Variants in SLC15A2 observed in about 807,000 individuals in gnomAD.
SLC15A2 encodes solute carrier family 15 member 2.
A neutral mutation model predicts 95.5 loss-of-function variants in SLC15A2; 77 were observed. That is an observed-to-expected ratio of 0.81 (90% CI 0.67 to 0.97). The LOEUF is 0.97. Among genes scored for constraint, SLC15A2 ranks in the 50% least tolerant of loss-of-function variants. SLC15A2 has a pLI of 0.00. For missense variants in SLC15A2, 893 were observed against 874.4 expected, an observed-to-expected ratio of 1.02 and a Z score of -0.27; for synonymous variants, 306 against 306.9, an observed-to-expected ratio of 1.00 and a Z score of 0.03.
chr3:121,912,353 C>A, intron 4 of SLC15A2, among the ~76,000 whole-genome samples: 1 of 152,104 alleles, frequency 6.6e-6, no homozygotes, highest in East Asian at 1.9e-4. Flanking sequence ...CCCACCTCAG[C>A]CTCCCGAGTC....
rs761056087 is a variant in SLC15A2, at chr3:121,896,420, C to T, written c.120C>T (p.Ser40=). 1.2e-6 allele frequency: 2 copies of T among 1,613,682 alleles called. No individual in the cohort carries two copies. Among genetic ancestry groups the T allele is most frequent in the Non-Finnish European group, 1.7e-6 (2 of 1,179,612 alleles). The part of the protein sequence containing the change: ...PKKPSPTICG[S]NYPLSIAFIV... ...TTGTTGAATAGACAATCTGTGGCTC[C>T]AACTATCCACTGAGCATTGCCTTCA... The change falls in exon 2 of 22, where the codon TCC becomes TCT. Residue 40 remains serine (S), a synonymous_variant. Coordinates refer to ENST00000489711, the MANE Select transcript of SLC15A2 (RefSeq NM_021082.4).
intron 3 of SLC15A2, among the ~76,000 whole-genome samples, chr3:121,901,453 C>T (rs997655944): frequency 5.3e-5 from 8 of 152,132 alleles, no homozygotes; most frequent in African/African-American, 1.9e-4. Flanking sequence ...TGTAGACAGG[C>T]ATGAAGGTTA....
rs769323682 is a variant in SLC15A2, at chr3:121,929,007, A to C, written c.1367A>C (p.His456Pro). The change falls in exon 16 of 22, where the codon CAC becomes CCC. Residue 456 changes from histidine to proline, a missense_variant. By Grantham distance (77) the His-to-Pro change is moderately conservative. Coordinates refer to ENST00000489711, the MANE Select transcript of SLC15A2 (RefSeq NM_021082.4). ...AAAACACCACACTATTCCAAACTGC[A>C]CCTGAAAACAAAAAGCCAGGATTTT... ...FQKTPHYSKL[H>P]LKTKSQDFHF... is the part of the protein sequence containing the mutation. The C allele has an allele frequency of 1.2e-6, 2 of 1,613,962 alleles. No individual in the cohort carries two copies. The highest frequency in any genetic ancestry group is 1.7e-6 in the Non-Finnish European group (2 of 1,179,982).
intron 17 of SLC15A2, among the ~76,000 whole-genome samples, chr3:121,930,048 A>G (rs963495697): frequency 2.0e-5 from 3 of 152,374 alleles, no homozygotes; most frequent in Admixed American, 1.3e-4. Context: ...TGCTTCAAAA[A>G]AAGTAAACAG....
At chr3:121,901,845 TTGTG>T (rs3047583) in intron 3 of SLC15A2, among the ~76,000 whole-genome samples, 88 of 149,030 alleles carry the variant, frequency 5.9e-4, no homozygotes, top group Admixed American at 8.7e-4. Context: ...GAGTATGTGT[TTGTG>T]TGTGTGTGTG....
intron 13 of SLC15A2, among the ~76,000 whole-genome samples, chr3:121,925,951 C>T (rs1025419645): frequency 6.6e-6 from 1 of 151,150 alleles, no homozygotes; most frequent in African/African-American, 2.4e-5. Flanking sequence ...GTTCAATAAA[C>T]CTGATTGTAT....
In SLC15A2 at chr3:121,942,159, G is replaced by T. The variant is rs920994819; in HGVS notation, c.*1152G>T. 7.2e-5 allele frequency: 11 copies of T among 152,318 alleles called. No individual in the cohort carries two copies. Among genetic ancestry groups the T allele is most frequent in the African/African-American group, 2.6e-4 (11 of 41,582 alleles). The allele number at this position is 152,318 out of a possible 1,614,324, so 9.4% of individuals were successfully genotyped here. ...GTTCTAAAATGGAAATGTCAATAGA[G>T]GAGCATGGTCCTATGTGAGGTTCCT... is the stretch of plus-strand genomic sequence containing the variant. On this transcript the variant is annotated 3_prime_UTR_variant, in exon 22 of 22. Coordinates refer to ENST00000489711, the MANE Select transcript of SLC15A2 (RefSeq NM_021082.4).
intron 3 of SLC15A2, among the ~76,000 whole-genome samples, chr3:121,911,112 G>A (rs1267840646): frequency 6.6e-6 from 1 of 152,216 alleles, no homozygotes; most frequent in African/African-American, 2.4e-5. Flanking sequence ...TTTACTTGGA[G>A]TTCTTCCTTG....
chr3:121,922,387 T>C (rs1710024027), intron 8 of SLC15A2, 85 bp downstream of exon 8: 1 of 1,049,164 alleles, frequency 9.5e-7, no homozygotes, highest in African/African-American at 1.6e-5. Flanking sequence ...AACGTGGGCA[T>C]ACATTTTTCT....
At chr3:121,938,914 C>G (rs1710404754) in intron 19 of SLC15A2, among the ~76,000 whole-genome samples, 3 of 152,194 alleles carry the variant, frequency 2.0e-5, no homozygotes, top group Non-Finnish European at 4.4e-5. Context: ...TTCTACCAGG[C>G]TGATAACCAT....
chr3:121,900,733 C>T (rs894192790), intron 3 of SLC15A2, among the ~76,000 whole-genome samples: 3 of 152,118 alleles, frequency 2.0e-5, no homozygotes, highest in Non-Finnish European at 4.4e-5. Flanking sequence ...CCGTAAGGCT[C>T]ACTCAAATAC....
chr3:121,940,631 A>G (rs112288854), intron 21 of SLC15A2, 143 bp downstream of exon 21: 2 of 840,434 alleles, frequency 2.4e-6, no homozygotes, highest in Admixed American at 2.3e-5. Flanking sequence ...AGACTTTACC[A>G]GGAAAATAGA....
At chr3:121,924,018 G>A (rs896778950) in intron 11 of SLC15A2, among the ~76,000 whole-genome samples, 2 of 152,098 alleles carry the variant, frequency 1.3e-5, no homozygotes, top group Admixed American at 1.3e-4. Flanking sequence ...ATGATGTCTT[G>A]CCCTTCATAT....
At chr3:121,904,201 G>C (rs569925713) in intron 3 of SLC15A2, among the ~76,000 whole-genome samples, 193 of 152,214 alleles carry the variant, frequency 1.3e-3, no homozygotes, top group Non-Finnish European at 2.0e-3. Flanking sequence ...CATTGATTTT[G>C]TATCCTGAGA....
chr3:121,905,737 T>A (rs189899710), intron 3 of SLC15A2, among the ~76,000 whole-genome samples: 18 of 152,350 alleles, frequency 1.2e-4, no homozygotes, highest in Admixed American at 1.2e-3. Context: ...TTCTGTTTTT[T>A]TATATTTGCT....
chr3:121,913,706 C>T (rs1576677181), intron 5 of SLC15A2, among the ~76,000 whole-genome samples: 1 of 152,150 alleles, frequency 6.6e-6, no homozygotes, highest in Non-Finnish European at 1.5e-5. Flanking sequence ...CATTCCCTCT[C>T]TTCCTAAATA....
At chr3:121,934,989 G>T (rs924579700) in intron 19 of SLC15A2, among the ~76,000 whole-genome samples, 1 of 151,998 alleles carries the variant, frequency 6.6e-6, no homozygotes, top group Non-Finnish European at 1.5e-5. Flanking sequence ...GTTGAATTTT[G>T]TCAAAGGCCT....
chr3:121,929,779 A>C (rs1710196637), intron 17 of SLC15A2, among the ~76,000 whole-genome samples: 1 of 152,164 alleles, frequency 6.6e-6, no homozygotes, highest in Non-Finnish European at 1.5e-5. Flanking sequence ...ACACATTTGG[A>C]GTCAAAAGAC....
At chr3:121,912,478 C>T (rs534800603) in intron 4 of SLC15A2, among the ~76,000 whole-genome samples, 5 of 152,298 alleles carry the variant, frequency 3.3e-5, no homozygotes, top group African/African-American at 1.2e-4. Flanking sequence ...AGGTGATCCA[C>T]CTGCCTCAGC....
Sources: allele counts gnomAD v4.1 joint callset (sites outside exome capture counted in the v4.1 genomes callset), GRCh38; gene constraint gnomAD v4.1.1; transcripts MANE v1.5; gene names NCBI Gene and HGNC (gene_info 2026-07-23, HGNC 2026-07-21).